CPED1: variants seen among roughly 807,000 people sequenced by gnomAD.
CPED1 encodes cadherin-like and PC-esterase domain-containing protein 1.
In CPED1, 114 loss-of-function variants were observed where a neutral mutation model predicts 128.2. The observed-to-expected ratio is 0.89, with a 90% CI of 0.76 to 1.04. The LOEUF is 1.04. CPED1 is among the 50% of genes least tolerant of loss of function. The pLI is 0.00. For missense variants in CPED1, 1,211 were observed against 1,207.1 expected, an observed-to-expected ratio of 1.00 and a Z score of -0.05; for synonymous variants, 462 against 426.7, an observed-to-expected ratio of 1.08 and a Z score of -1.02.
chr7:121,032,539 G>T (rs1217658505), intron 3 of CPED1, among the ~76,000 whole-genome samples: 2 of 147,264 alleles, frequency 1.4e-5, no homozygotes, highest in Non-Finnish European at 3.0e-5. Flanking sequence ...GGCCTGTCAG[G>T]GTGTCGGGGT....
intron 22 of CPED1, among the ~76,000 whole-genome samples, chr7:121,279,808 A>G (rs1299167625): frequency 6.6e-6 from 1 of 152,178 alleles, no homozygotes; most frequent in African/African-American, 2.4e-5. Context: ...AGTAAAGAAT[A>G]AATTAATCTA....
chr7:121,047,140 T>A, intron 4 of CPED1, 147 bp downstream of exon 4: 1 of 497,822 alleles, frequency 2.0e-6, no homozygotes. Flanking sequence ...CTTATATACT[T>A]TACCATAAAA....
intron 16 of CPED1, among the ~76,000 whole-genome samples, chr7:121,222,574 T>C (rs1797907477): frequency 6.6e-6 from 1 of 152,230 alleles, no homozygotes; most frequent in South Asian, 2.1e-4. Flanking sequence ...ATATTGATTC[T>C]TCTTATCCAT....
chr7:121,212,679 G>A (rs560871144), intron 16 of CPED1, among the ~76,000 whole-genome samples: 1 of 118,052 alleles, frequency 8.5e-6, no homozygotes, highest in African/African-American at 3.1e-5. Flanking sequence ...ACAAATGTCT[G>A]TTAAAGGAAT....
chr7:121,074,957 G>A (rs1443755101), intron 5 of CPED1, among the ~76,000 whole-genome samples: 1 of 152,058 alleles, frequency 6.6e-6, no homozygotes, highest in Non-Finnish European at 1.5e-5. Context: ...TGTTTACCAT[G>A]GTCCATATGC....
chr7:121,115,618 C>T (rs900364563), intron 7 of CPED1, among the ~76,000 whole-genome samples: 2 of 152,108 alleles, frequency 1.3e-5, no homozygotes, highest in Non-Finnish European at 2.9e-5. Context: ...AGGTATCTTT[C>T]TGCCAAATGA....
At chr7:121,068,181 T>G (rs1462778202) in intron 5 of CPED1, among the ~76,000 whole-genome samples, 1 of 152,242 alleles carries the variant, frequency 6.6e-6, no homozygotes, top group Non-Finnish European at 1.5e-5. Context: ...AGACAAGAAG[T>G]CCTTGCCCAT....
chr7:121,129,664 T>C (rs1795613914), intron 11 of CPED1, among the ~76,000 whole-genome samples: 1 of 151,908 alleles, frequency 6.6e-6, no homozygotes, highest in African/African-American at 2.4e-5. Context: ...TAAATAATTA[T>C]TTTGCAAGAG....
intron 7 of CPED1, among the ~76,000 whole-genome samples, chr7:121,111,042 A>G (rs1053750889): frequency 6.6e-6 from 1 of 152,122 alleles, no homozygotes; most frequent in African/African-American, 2.4e-5. Context: ...CCATTGACTG[A>G]GAGATCAGAT....
In CPED1 at chr7:121,103,121, T is replaced by C. The variant is rs374972981; in HGVS notation, c.918+3027T>C. 7.3e-3 allele frequency among the ~76,000 whole-genome samples: 1,117 copies of C among 152,326 alleles called. 16 individuals are homozygous for C. Among genetic ancestry groups the C allele is most frequent in the African/African-American group, 0.025 (1,029 of 41,580 alleles). The stretch of plus-strand genomic sequence containing the variant: ...ATAAATGAAAAAAGAAATCTCCTTG[T>C]GATCTGGTTTTCTTTAGATTTTCAT... On this transcript the variant is annotated intron_variant, in intron 7 of 22. Transcript: ENST00000310396.
At chr7:121,055,649 T>A (rs1043711401) in intron 4 of CPED1, among the ~76,000 whole-genome samples, 4 of 151,284 alleles carry the variant, frequency 2.6e-5, no homozygotes, top group African/African-American at 9.7e-5. Flanking sequence ...ATAGTTCAGT[T>A]TTTTTCTGTT....
At chr7:121,158,885 T>G (rs891843045) in intron 16 of CPED1, among the ~76,000 whole-genome samples, 1 of 152,184 alleles carries the variant, frequency 6.6e-6, no homozygotes. Context: ...TAACTCCATG[T>G]AATAAAATAA....
At chr7:121,226,214 A>G (rs1798007327) in intron 16 of CPED1, among the ~76,000 whole-genome samples, 1 of 151,956 alleles carries the variant, frequency 6.6e-6, no homozygotes, top group Non-Finnish European at 1.5e-5. Context: ...TCTGTTCGTT[A>G]GCTTTTCTTC....
Position 121,241,329 on chromosome 7 carries a change from C to T in CPED1, c.2174-2873C>T, listed in dbSNP as rs1270176519. Among the ~76,000 whole-genome samples the T allele has an allele frequency of 5.7e-5, 5 of 87,390 alleles. 1 individual carries two copies. The highest frequency in any genetic ancestry group is 1.3e-4 in the African/African-American group (3 of 23,308). The allele number at this position is 87,390 out of a possible 152,430, so 57.3% of individuals were successfully genotyped here. A position where few individuals can be genotyped will look rare whatever the true frequency, so the allele number is the denominator to read the frequency against. On this transcript the variant is annotated intron_variant, in intron 17 of 22. Transcript: ENST00000310396. ...CGCCACTGCACTCCAGCCTGGGCGA[C>T]AGAGCGAGACTCCGTCTCAAAAAAA...
intron 22 of CPED1, among the ~76,000 whole-genome samples, chr7:121,279,482 A>G (rs182745161): frequency 3.2e-4 from 49 of 152,166 alleles, no homozygotes; most frequent in African/African-American, 1.2e-3. Context: ...AGAATAACTC[A>G]TAACAGACAA....
chr7:121,008,349 A>AT (rs1177346570), intron 2 of CPED1, among the ~76,000 whole-genome samples: 1 of 152,100 alleles, frequency 6.6e-6, no homozygotes, highest in Non-Finnish European at 1.5e-5. Flanking sequence ...GCATTGCTCC[A>AT]TTTTTATCAT....
At chr7:121,138,345 A>G (rs577287482) in intron 14 of CPED1, among the ~76,000 whole-genome samples, 3 of 152,054 alleles carry the variant, frequency 2.0e-5, no homozygotes, top group African/African-American at 4.8e-5. Context: ...CGTAGATCTC[A>G]GGTAAGCTGG....
At chr7:121,277,092 A>G (rs1366508007) in intron 22 of CPED1, among the ~76,000 whole-genome samples, 1 of 152,072 alleles carries the variant, frequency 6.6e-6, no homozygotes, top group Non-Finnish European at 1.5e-5. Flanking sequence ...GTGTAAGTAT[A>G]AGAGAGAAGT....
At chr7:121,292,602 G>A (rs1792731400) in intron 22 of CPED1, among the ~76,000 whole-genome samples, 1 of 152,000 alleles carries the variant, frequency 6.6e-6, no homozygotes, top group South Asian at 2.1e-4. Flanking sequence ...AGGCATTCTG[G>A]TTTTTGGAAT....
Sources: allele counts gnomAD v4.1 joint callset (sites outside exome capture counted in the v4.1 genomes callset), GRCh38; gene constraint gnomAD v4.1.1; transcripts MANE v1.5; gene names NCBI Gene and HGNC (gene_info 2026-07-23, HGNC 2026-07-21).